The following KCNMA1 variants were observed in gnomAD, a reference collection of about 807,000 sequenced individuals.
KCNMA1 encodes the protein Calcium-activated potassium channel subunit alpha-1.
Under a neutral mutation model 140.0 loss-of-function variants are expected in KCNMA1, and 29 were observed. The observed-to-expected ratio is 0.21, with a 90% CI of 0.15 to 0.28. KCNMA1 has a LOEUF of 0.28. Ranked by LOEUF, KCNMA1 falls within the 10% of genes least tolerant of loss-of-function variation. The pLI is 1.00. For synonymous variants in KCNMA1, 612 were observed against 611.9 expected (o/e 1.00, Z 0.00); for missense variants, 880 against 1,602.2 (o/e 0.55, Z 7.70).
intron 2 of KCNMA1, among the ~76,000 whole-genome samples, chr10:77,359,718 G>C (rs1355252741): frequency 6.6e-6 from 1 of 152,186 alleles, no homozygotes; most frequent in African/African-American, 2.4e-5. Context: ...TAACCCACAG[G>C]GTGAGTGCCC....
chr10:77,610,153 A>G (rs2670128), intron 1 of KCNMA1, among the ~76,000 whole-genome samples: 87,805 of 152,082 alleles, frequency 0.58, 27,281 homozygotes, highest in African/African-American at 0.81. Flanking sequence ...TCTCCTCCTC[A>G]AAAGAGGCTT....
At chr10:76,903,880 T>C (rs1454060734) in intron 25 of KCNMA1, 1 of 152,148 alleles carries the variant, frequency 6.6e-6, no homozygotes, top group East Asian at 1.9e-4. Context: ...AGCTCTCTGA[T>C]ATTAAAGATG....
At chr10:77,604,949 ACT>A (rs929707895) in intron 1 of KCNMA1, among the ~76,000 whole-genome samples, 3 of 151,380 alleles carry the variant, frequency 2.0e-5, no homozygotes, top group African/African-American at 7.3e-5. Flanking sequence ...GCCCATAAAG[ACT>A]CTGGAACATT....
intron 1 of KCNMA1, among the ~76,000 whole-genome samples, chr10:77,529,962 A>G (rs1040223561): frequency 1.3e-5 from 2 of 152,226 alleles, no homozygotes; most frequent in Non-Finnish European, 2.9e-5. Context: ...GCCACCTTAT[A>G]GAGGAGGAAA....
chr10:77,565,558 G>T (rs2067968417), intron 1 of KCNMA1, among the ~76,000 whole-genome samples: 1 of 152,190 alleles, frequency 6.6e-6, no homozygotes, highest in African/African-American at 2.4e-5. Context: ...GTGATGGGCA[G>T]CCTCGGTTCC....
chr10:76,923,008 A>G (rs967252208), intron 23 of KCNMA1, among the ~76,000 whole-genome samples: 4 of 152,212 alleles, frequency 2.6e-5, no homozygotes, highest in African/African-American at 9.6e-5. Context: ...AGTAACTAAC[A>G]GTGACATTTT....
chr10:77,320,945 G>A (rs529164016), intron 2 of KCNMA1, among the ~76,000 whole-genome samples: 1 of 152,282 alleles, frequency 6.6e-6, no homozygotes, highest in Admixed American at 6.5e-5. Context: ...CCACTACAAT[G>A]TTCTGCTCAT....
chr10:77,337,780 C>T (rs2089649656), intron 2 of KCNMA1, among the ~76,000 whole-genome samples: 1 of 152,198 alleles, frequency 6.6e-6, no homozygotes, highest in Non-Finnish European at 1.5e-5. Context: ...TGAAGTTAGG[C>T]TAAGCCATGG....
intron 26 of KCNMA1, among the ~76,000 whole-genome samples, chr10:76,890,967 C>T (rs1419384561): frequency 6.6e-6 from 1 of 152,234 alleles, no homozygotes; most frequent in Non-Finnish European, 1.5e-5. Flanking sequence ...CTACTGACTA[C>T]CCTGGTGCTT....
chr10:77,335,057 G>A (rs76454680), intron 2 of KCNMA1, among the ~76,000 whole-genome samples: 2,875 of 152,222 alleles, frequency 0.019, 93 homozygotes, highest in African/African-American at 0.064. Flanking sequence ...GAGTACAGAG[G>A]AGGGGACACA....
At position 77,620,542 on chromosome 10, in the gene KCNMA1, A is replaced by G. The variant is rs1451557383; in HGVS notation, c.378+16723T>C. Among the ~76,000 whole-genome samples the G allele has an allele frequency of 2.0e-5, 3 of 152,328 alleles. No individual in the cohort carries two copies. In the East Asian group the frequency reaches 5.8e-4, roughly 29 times the overall value. On this transcript the variant is annotated intron_variant, in intron 1 of 27. Coordinates refer to ENST00000286628, the MANE Select transcript of KCNMA1 (RefSeq NM_001161352.2). Reference sequence around the variant, plus strand: ...CAAGGCTCATGCTTAGAACAGGCACAGAGGCCTGGGAGGCCTCTTGTATCA... The same window carrying G: ...CAAGGCTCATGCTTAGAACAGGCACGGAGGCCTGGGAGGCCTCTTGTATCA...
intron 20 of KCNMA1, among the ~76,000 whole-genome samples, chr10:76,958,247 C>T (rs1430250398): frequency 1.3e-5 from 2 of 152,176 alleles, no homozygotes; most frequent in African/African-American, 2.4e-5. Context: ...TCTCCCACAA[C>T]TCCTCAAAGA....
chr10:77,536,876 A>G (rs1189508369), intron 1 of KCNMA1, among the ~76,000 whole-genome samples: 1 of 152,218 alleles, frequency 6.6e-6, no homozygotes, highest in Non-Finnish European at 1.5e-5. Flanking sequence ...CAGGGAGAAC[A>G]CATGATTCAC....
In KCNMA1 at chr10:76,886,202, C is replaced by G. The variant is rs201816220; in HGVS notation, c.*1064G>C. The G allele has an allele frequency of 6.1e-6, 6 of 985,384 alleles. No individual in the cohort carries two copies. The highest frequency in any genetic ancestry group is 7.2e-6 in the Non-Finnish European group (6 of 829,936). The allele number at this position is 985,384 out of a possible 1,614,324, so 61.0% of individuals were successfully genotyped here. On this transcript the variant is annotated 3_prime_UTR_variant, in exon 28 of 28. Transcript: ENST00000286628. ...CCTCTCACTCTACCATTGCCCCAGC[C>G]CTTCCTCCTACCTGGCATTGGGGCC...
At chr10:77,176,454 T>A (rs1000151294) in intron 5 of KCNMA1, among the ~76,000 whole-genome samples, 18 of 151,722 alleles carry the variant, frequency 1.2e-4, no homozygotes, top group African/African-American at 3.6e-4. Context: ...CCTGTTCCCA[T>A]GAAAAGAAAA....
At chr10:77,144,893 A>G (rs983044380) in intron 5 of KCNMA1, among the ~76,000 whole-genome samples, 3 of 152,154 alleles carry the variant, frequency 2.0e-5, no homozygotes, top group African/African-American at 7.2e-5. Flanking sequence ...TCATTTCCTC[A>G]TCTCCGAAAT....
intron 1 of KCNMA1, among the ~76,000 whole-genome samples, chr10:77,528,908 C>G (rs1270719658): frequency 1.3e-5 from 2 of 152,124 alleles, no homozygotes; most frequent in South Asian, 2.1e-4. Context: ...AAGCAGCAAG[C>G]AGATCACAGG....
intron 2 of KCNMA1, among the ~76,000 whole-genome samples, chr10:77,265,747 A>G (rs2063250905): frequency 6.6e-6 from 1 of 152,056 alleles, no homozygotes; most frequent in South Asian, 2.1e-4. Flanking sequence ...CCATGATGCC[A>G]TGGCTGCTAA....
intron 2 of KCNMA1, among the ~76,000 whole-genome samples, chr10:77,315,043 A>G (rs2154348499): frequency 6.6e-6 from 1 of 151,994 alleles, no homozygotes; most frequent in Admixed American, 6.6e-5. Context: ...ATTTCTTATG[A>G]TGTTGGTGAT....
Sources: gnomAD v4.1 joint callset for allele counts (sites outside exome capture counted in the v4.1 genomes callset) on GRCh38, gnomAD v4.1.1 for gene constraint, MANE v1.5 for transcripts, NCBI Gene and HGNC (gene_info 2026-07-23, HGNC 2026-07-21) for gene names.